DCLK1: variants seen among roughly 807,000 people sequenced by gnomAD.
DCLK1 encodes serine/threonine-protein kinase DCLK1.
A neutral mutation model predicts 86.2 loss-of-function variants in DCLK1; 16 were observed. The observed-to-expected ratio is 0.19, with a 90% CI of 0.13 to 0.28. The LOEUF is 0.28. DCLK1 is among the 10% of genes least tolerant of loss of function. The pLI is 1.00. For missense variants in DCLK1, 590 were observed against 940.2 expected, an observed-to-expected ratio of 0.63 and a Z score of 4.87; for synonymous variants, 369 against 370.5, an observed-to-expected ratio of 1.00 and a Z score of 0.05.
intron 3 of DCLK1, among the ~76,000 whole-genome samples, chr13:35,993,350 TC>T (rs1248181744): frequency 6.6e-6 from 1 of 152,196 alleles, no homozygotes; most frequent in Non-Finnish European, 1.5e-5. Context: ...CTTCTTTGTC[TC>T]TTTCATGCCT....
At chr13:35,899,375 G>C (rs1441124858) in intron 4 of DCLK1, among the ~76,000 whole-genome samples, 1 of 116,096 alleles carries the variant, frequency 8.6e-6, no homozygotes, top group Non-Finnish European at 1.7e-5. Context: ...GTGTGAGAGA[G>C]AGAGAGAGAG....
rs1408084364 is a variant in DCLK1, at chr13:35,848,495, T to C, written c.1035+6004A>G. 18 of 985,202 alleles carry C rather than the reference T, an allele frequency of 1.8e-5. No homozygotes were observed. In the South Asian group the frequency reaches 6.6e-4, roughly 36 times the overall value. 61.0% of individuals were successfully genotyped at this position (985,202 alleles called of 1,614,324 possible). A position where few individuals can be genotyped will look rare whatever the true frequency, so the allele number is the denominator to read the frequency against. On this transcript the variant is annotated intron_variant, in intron 6 of 16. Transcript: ENST00000360631. ...GTCATATGTTCAAGAGATTAAATGC[T>C]GTGGAAAGCACTTCCCTTGGAACTG...
At chr13:36,126,713 A>G (rs1287452156) in intron 1 of DCLK1, among the ~76,000 whole-genome samples, 3 of 152,210 alleles carry the variant, frequency 2.0e-5, no homozygotes, top group African/African-American at 7.2e-5. Flanking sequence ...GCACGCTGTC[A>G]GCAGAAGAGG....
At chr13:35,977,127 G>GTA (rs1879390793) in intron 3 of DCLK1, among the ~76,000 whole-genome samples, 3 of 136,328 alleles carry the variant, frequency 2.2e-5, no homozygotes, top group Admixed American at 7.6e-5. Flanking sequence ...ATGTGTGTGT[G>GTA]TATATATATA....
In DCLK1 at chr13:35,774,344, TTCACAA is replaced by T. The variant is rs1226594632; in HGVS notation, c.*185_*190del. 9.2e-6 allele frequency: 7 copies of T among 762,048 alleles called. No homozygotes were observed. In the East Asian group the frequency reaches 2.0e-4, roughly 21 times the overall value. 47.2% of individuals were successfully genotyped at this position (762,048 alleles called of 1,614,324 possible). On this transcript the variant is annotated 3_prime_UTR_variant, in exon 17 of 17. Coordinates refer to ENST00000360631, the MANE Select transcript of DCLK1 (RefSeq NM_001330071.2). ...ACTCTATTAGCAGCAAATTACCATC[TTCACAA>T]TCACCACGTGTCATCTTATTCAGTA... is the stretch of plus-strand genomic sequence containing the variant.
chr13:35,963,230 T>G (rs1178407505), intron 3 of DCLK1, among the ~76,000 whole-genome samples: 1 of 152,222 alleles, frequency 6.6e-6, no homozygotes, highest in East Asian at 1.9e-4. Context: ...TTTCATGACT[T>G]ACAAAGGAAA....
At position 35,860,395 on chromosome 13, in the gene DCLK1, T is replaced by C. The variant is rs529620138; in HGVS notation, c.941-5802A>G. Among the ~76,000 whole-genome samples, 6 of 152,186 alleles carry C rather than the reference T, an allele frequency of 3.9e-5. No homozygotes were observed. In the East Asian group the frequency reaches 1.2e-3, roughly 29 times the overall value. ...TAACAGAGGGAAGAAGACGTACTTT[T>C]TCCCTAATTTTAGCTTCTTGGGTGC... is the stretch of plus-strand genomic sequence containing the variant. On this transcript the variant is annotated intron_variant, in intron 5 of 16. Coordinates refer to ENST00000360631, the MANE Select transcript of DCLK1 (RefSeq NM_001330071.2).
chr13:35,926,852 A>G (rs954380720), intron 4 of DCLK1, among the ~76,000 whole-genome samples: 1 of 152,222 alleles, frequency 6.6e-6, no homozygotes, highest in Non-Finnish European at 1.5e-5. Flanking sequence ...TGAGAAGGGC[A>G]GGAGTTGGTG....
At chr13:36,112,282 C>A in intron 2 of DCLK1, 67 bp from the exon 3 acceptor site, 1 of 1,269,844 alleles carries the variant, frequency 7.9e-7, no homozygotes, top group South Asian at 1.6e-5. Context: ...CCTACTTATC[C>A]TCTCTTTTGC....
intron 3 of DCLK1, among the ~76,000 whole-genome samples, chr13:36,045,326 GTGTGTGTA>G (rs1238708424): frequency 2.5e-3 from 151 of 60,912 alleles, no homozygotes; most frequent in Non-Finnish European, 3.2e-3. Flanking sequence ...ATATGTGTGT[GTGTGTGTA>G]TATATATATA....
intron 3 of DCLK1, among the ~76,000 whole-genome samples, chr13:35,987,471 T>C (rs1244781126): frequency 3.9e-5 from 6 of 152,242 alleles, no homozygotes; most frequent in African/African-American, 1.4e-4. Flanking sequence ...TCACACGTAT[T>C]GTCTCATTTC....
chr13:35,883,687 TA>T (rs1873055700), intron 4 of DCLK1, among the ~76,000 whole-genome samples: 1 of 152,178 alleles, frequency 6.6e-6, no homozygotes, highest in Non-Finnish European at 1.5e-5. Flanking sequence ...GCAAAGTGGT[TA>T]TTCTGGGTGA....
intron 6 of DCLK1, chr13:35,845,808 G>T (rs1870134943): frequency 5.7e-6 from 3 of 522,376 alleles, no homozygotes; most frequent in Middle Eastern, 9.6e-4. Context: ...CCATACACGT[G>T]ATTGTGAAGG....
At chr13:36,056,014 G>C (rs1485931369) in intron 3 of DCLK1, among the ~76,000 whole-genome samples, 1 of 150,654 alleles carries the variant, frequency 6.6e-6, no homozygotes, top group African/African-American at 2.4e-5. Context: ...TTACACTGTT[G>C]GTGGGACTGT....
chr13:36,075,154 G>A (rs1884147443), intron 3 of DCLK1, among the ~76,000 whole-genome samples: 1 of 152,138 alleles, frequency 6.6e-6, no homozygotes, highest in Non-Finnish European at 1.5e-5. Context: ...AAAAATTTGT[G>A]TCTCAAAAAA....
At chr13:36,068,686 T>C (rs1267084000) in intron 3 of DCLK1, among the ~76,000 whole-genome samples, 1 of 152,124 alleles carries the variant, frequency 6.6e-6, no homozygotes, top group African/African-American at 2.4e-5. Context: ...CAATAGGGCC[T>C]AAGACACACA....
chr13:35,871,440 C>T (rs1261357128), intron 4 of DCLK1, 100 bp from the exon 5 acceptor site: 1 of 967,332 alleles, frequency 1.0e-6, no homozygotes, highest in Non-Finnish European at 1.6e-6. Flanking sequence ...ATATGACCAT[C>T]CTCAGTCACA....
At chr13:35,847,651 G>GAAAGAAAGAAAGAAAGAAAGAAAGAAAGA (rs1555343976) in intron 6 of DCLK1, 3 of 602,196 alleles carry the variant, frequency 5.0e-6, no homozygotes, top group Middle Eastern at 8.8e-4. Flanking sequence ...AAGAAAGAAA[G>GAAAGAAAGAAAGAAAGAAAGAAAGAAAGA]AAAGAAAAAG....
At chr13:35,792,887 A>G (rs372464995) in intron 16 of DCLK1, among the ~76,000 whole-genome samples, 96 of 152,328 alleles carry the variant, frequency 6.3e-4, no homozygotes, top group African/African-American at 2.2e-3. Context: ...CAGTAATTCA[A>G]TTTCACTGAA....
Sources: allele counts gnomAD v4.1 joint callset (sites outside exome capture counted in the v4.1 genomes callset), GRCh38; gene constraint gnomAD v4.1.1; transcripts MANE v1.5; gene names NCBI Gene and HGNC (gene_info 2026-07-23, HGNC 2026-07-21).